CNTNAP4: variants seen among roughly 807,000 people sequenced by gnomAD.
The protein encoded by CNTNAP4 is contactin-associated protein-like 4.
In CNTNAP4, 98 loss-of-function variants were observed where a neutral mutation model predicts 148.4. The ratio of observed to expected loss-of-function variants is 0.66; its 90% CI spans 0.56 to 0.78. CNTNAP4 has a LOEUF of 0.78. Among genes scored for constraint, CNTNAP4 ranks in the 30% least tolerant of loss-of-function variants. The pLI, the probability that CNTNAP4 is intolerant of heterozygous loss-of-function variation, is 0.00. For missense variants in CNTNAP4, 1,935 were observed against 1,565.6 expected (o/e 1.24, Z -3.98); for synonymous variants, 730 against 565.1 (o/e 1.29, Z -4.14).
At chr16:76,324,539 C>G (rs762373674) in intron 2 of CNTNAP4, among the ~76,000 whole-genome samples, 5 of 152,150 alleles carry the variant, frequency 3.3e-5, no homozygotes, top group Non-Finnish European at 7.3e-5. Context: ...TTTCAGAAAT[C>G]TCAGGCACAG....
intron 7 of CNTNAP4, 72 bp from the exon 8 acceptor site, chr16:76,452,433 AAGC>A: frequency 6.8e-7 from 1 of 1,476,550 alleles, no homozygotes; most frequent in Admixed American, 1.8e-5. Context: ...TGAGATTGAA[AAGC>A]AGCCTTCAAA....
intron 2 of CNTNAP4, among the ~76,000 whole-genome samples, chr16:76,346,763 C>T (rs1235237357): frequency 6.6e-6 from 1 of 152,162 alleles, no homozygotes; most frequent in Non-Finnish European, 1.5e-5. Context: ...TTCTAGTCTT[C>T]CAGGGGAAAC....
In CNTNAP4 at chr16:76,448,228, G is replaced by T; in HGVS notation, c.742+13G>T. On this transcript the variant is annotated intron_variant, in intron 5 of 23. Transcript: ENST00000611870. ...CTTATTAATTCAGGTAAAACTATTC[G>T]GTGAAGTGCTCAAAAATCTGATTAT... The T allele has an allele frequency of 6.4e-7, 1 of 1,561,772 alleles. No individual in the cohort carries two copies. Among genetic ancestry groups the T allele is most frequent in the Non-Finnish European group, 8.8e-7 (1 of 1,138,238 alleles).
rs145041312 is a variant in CNTNAP4, at chr16:76,441,867, T to C, written c.539-6145T>C. On this transcript the variant is annotated intron_variant, in intron 4 of 23. Coordinates refer to ENST00000611870, the MANE Select transcript of CNTNAP4 (RefSeq NM_033401.5). The stretch of plus-strand genomic sequence containing the variant: ...TAATTGTGTGTCAGCTTCTAAAAAC[T>C]AGGCAGATAAGCATGCATACAACAA... Among the ~76,000 whole-genome samples the C allele has an allele frequency of 3.7e-3, 567 of 152,264 alleles. 5 individuals carry two copies. The highest frequency in any genetic ancestry group is 0.013 in the African/African-American group (543 of 41,560).
chr16:76,517,797 T>C (rs998232748), intron 15 of CNTNAP4, among the ~76,000 whole-genome samples: 1 of 151,886 alleles, frequency 6.6e-6, no homozygotes, highest in Non-Finnish European at 1.5e-5. Context: ...GAAGAAACCT[T>C]ACCCCTCTGA....
chr16:76,532,593 A>C (rs1312181755), intron 17 of CNTNAP4, among the ~76,000 whole-genome samples: 1 of 152,218 alleles, frequency 6.6e-6, no homozygotes, highest in Non-Finnish European at 1.5e-5. Context: ...TATACTGTAG[A>C]CTGTATACCA....
intron 3 of CNTNAP4, among the ~76,000 whole-genome samples, chr16:76,376,180 C>A (rs1037708963): frequency 6.6e-6 from 1 of 151,666 alleles, no homozygotes; most frequent in African/African-American, 2.4e-5. Context: ...AACCTTTATG[C>A]AATTAAATGC....
At chr16:76,554,181 AT>A (rs1168984978) in intron 23 of CNTNAP4, among the ~76,000 whole-genome samples, 1 of 152,212 alleles carries the variant, frequency 6.6e-6, no homozygotes, top group Non-Finnish European at 1.5e-5. Context: ...AATAATGAAT[AT>A]TATCAAGCTT....
chr16:76,329,279 T>C (rs1829090581), intron 2 of CNTNAP4, among the ~76,000 whole-genome samples: 1 of 152,206 alleles, frequency 6.6e-6, no homozygotes, highest in Non-Finnish European at 1.5e-5. Flanking sequence ...AGGAGGCTTG[T>C]GAAATAAACA....
At chr16:76,517,925 A>C (rs774136174) in intron 15 of CNTNAP4, among the ~76,000 whole-genome samples, 2 of 152,122 alleles carry the variant, frequency 1.3e-5, no homozygotes, top group Non-Finnish European at 2.9e-5. Context: ...TAGCAAAATA[A>C]ATTATTTTTA....
At chr16:76,510,945 A>G (rs536997533) in intron 15 of CNTNAP4, among the ~76,000 whole-genome samples, 16 of 152,096 alleles carry the variant, frequency 1.1e-4, no homozygotes, top group African/African-American at 1.9e-4. Context: ...TTTCTGTCTG[A>G]ATACTCGAAG....
At chr16:76,310,358 A>G (rs1221002710) in intron 1 of CNTNAP4, among the ~76,000 whole-genome samples, 2 of 152,184 alleles carry the variant, frequency 1.3e-5, no homozygotes, top group East Asian at 3.9e-4. Context: ...TGATATATGC[A>G]AACATAATTC....
intron 10 of CNTNAP4, among the ~76,000 whole-genome samples, chr16:76,473,458 T>G (rs1039400059): frequency 2.6e-5 from 4 of 152,042 alleles, no homozygotes; most frequent in Admixed American, 6.6e-5. Flanking sequence ...TGGAAAAAAT[T>G]CTGTAAGCAA....
chr16:76,369,719 G>A (rs142203569), intron 3 of CNTNAP4, among the ~76,000 whole-genome samples: 122 of 152,324 alleles, frequency 8.0e-4, no homozygotes, highest in African/African-American at 2.8e-3. Context: ...GTGCATGCCT[G>A]TAGTCCCAGC....
chr16:76,376,879 T>A (rs1242429445), intron 3 of CNTNAP4, among the ~76,000 whole-genome samples: 1 of 150,088 alleles, frequency 6.7e-6, no homozygotes, highest in African/African-American at 2.5e-5. Flanking sequence ...TTAGTTAGGA[T>A]TCTCCAGAGA....
rs1485315466 is a variant in CNTNAP4, at chr16:76,494,893, TCACG to T, written c.2081-16_2081-13del. ...GAACATAAAACAGATGTCACATTTTTCACGTTTTTCTTTCAGATGGAACCCCTCT... is the reference window on the plus strand; with the variant it reads ...GAACATAAAACAGATGTCACATTTTTTTTTTCTTTCAGATGGAACCCCTCT... On this transcript the variant is annotated splice_polypyrimidine_tract_variant and intron_variant, in intron 13 of 23. Transcript: ENST00000611870. 2 of 1,609,928 alleles carry T rather than the reference TCACG, an allele frequency of 1.2e-6. No individual in the cohort carries two copies. The highest frequency in any genetic ancestry group is 1.7e-5 in the Admixed American group (1 of 59,392).
chr16:76,383,915 A>G lies in CNTNAP4; in HGVS notation c.390+28404A>G, dbSNP rs763883053. On this transcript the variant is annotated intron_variant, in intron 3 of 23. Transcript: ENST00000611870. ...AATTCTGTTCTCTCTACTTGGTTCT[A>G]TGTTTGAAAATGTCCATAATAAAAA... 5.3e-5 allele frequency among the ~76,000 whole-genome samples: 8 copies of G among 152,164 alleles called. No individual in the cohort carries two copies. The South Asian group carries it at 6.2e-4, about 12-fold the overall frequency.
At chr16:76,428,293 T>C (rs1462925300) in intron 4 of CNTNAP4, among the ~76,000 whole-genome samples, 1 of 152,088 alleles carries the variant, frequency 6.6e-6, no homozygotes, top group Non-Finnish European at 1.5e-5. Context: ...GAACAGTGGG[T>C]TAGTTAATAT....
intron 3 of CNTNAP4, 50 bp downstream of exon 3, chr16:76,355,561 G>T: frequency 7.6e-7 from 1 of 1,308,190 alleles, no homozygotes; most frequent in Non-Finnish European, 1.0e-6. Flanking sequence ...AGTATAATCA[G>T]TACTGCATCT....
Sources: gnomAD v4.1 joint callset for allele counts (sites outside exome capture counted in the v4.1 genomes callset) on GRCh38, gnomAD v4.1.1 for gene constraint, MANE v1.5 for transcripts, NCBI Gene and HGNC (gene_info 2026-07-23, HGNC 2026-07-21) for gene names.